The following RAP1B variants were observed in gnomAD, a reference collection of about 807,000 sequenced individuals.
The protein encoded by RAP1B is ras-related protein Rap-1b.
Under a neutral mutation model 27.5 loss-of-function variants are expected in RAP1B, and 1 was observed. The ratio of observed to expected loss-of-function variants is 0.04; its 90% CI spans 0.01 to 0.17. RAP1B has a LOEUF of 0.17. Ranked by LOEUF, RAP1B falls within the 10% of genes least tolerant of loss-of-function variation. RAP1B has a pLI of 1.00. For synonymous variants in RAP1B, 75 were observed against 73.1 expected (o/e 1.03, Z -0.13); for missense variants, 84 against 214.8 (o/e 0.39, Z 3.81).
At chr12:68,645,902 T>G (rs1873368896) in intron 1 of RAP1B, among the ~76,000 whole-genome samples, 1 of 152,238 alleles carries the variant, frequency 6.6e-6, no homozygotes. Flanking sequence ...GGAAATCAGC[T>G]GGTGTGAATG....
At chr12:68,647,244 G>C (rs1170161687) in intron 1 of RAP1B, among the ~76,000 whole-genome samples, 2 of 151,914 alleles carry the variant, frequency 1.3e-5, no homozygotes, top group Non-Finnish European at 2.9e-5. Flanking sequence ...TGTAGAAACA[G>C]GGTTTTGAAG....
At chr12:68,639,065 A>G (rs563176844) in intron 1 of RAP1B, among the ~76,000 whole-genome samples, 1 of 152,242 alleles carries the variant, frequency 6.6e-6, no homozygotes, top group Non-Finnish European at 1.5e-5. Flanking sequence ...TTAGGGATCT[A>G]GTCGAGAAGT....
intron 1 of RAP1B, among the ~76,000 whole-genome samples, chr12:68,635,611 T>C (rs947430206): frequency 6.8e-6 from 1 of 148,022 alleles, no homozygotes; most frequent in Non-Finnish European, 1.5e-5. Context: ...GCCCGCCACC[T>C]CACCCAGCCA....
intron 1 of RAP1B, among the ~76,000 whole-genome samples, chr12:68,627,588 C>CT (rs972350610): frequency 6.6e-6 from 1 of 152,168 alleles, no homozygotes; most frequent in African/African-American, 2.4e-5. Flanking sequence ...GTTTTACCCA[C>CT]TTTTCGAAAT....
At chr12:68,613,723 C>T (rs1027183619) in intron 1 of RAP1B, among the ~76,000 whole-genome samples, 1 of 152,128 alleles carries the variant, frequency 6.6e-6, no homozygotes, top group African/African-American at 2.4e-5. Flanking sequence ...CAGTGTAGCG[C>T]GTTGCCTGGG....
intron 5 of RAP1B, 52 bp from the exon 6 acceptor site, chr12:68,656,254 T>A (rs1874196254): frequency 6.8e-7 from 1 of 1,469,592 alleles, no homozygotes; most frequent in Admixed American, 2.0e-5. Flanking sequence ...TTGATTTGAA[T>A]TCATATAGCA....
In RAP1B at chr12:68,656,428, A is replaced by G; in HGVS notation, c.447A>G (p.Lys149=). The change falls in exon 6 of 8, where the codon AAA becomes AAG. Residue 149 remains lysine (K), a synonymous_variant. Transcript: ENST00000250559. ...GTGCATTCTTAGAATCTTCTGCAAA[A>G]TCAAAAATAAATGTTAATGAGGTAT... ...NNCAFLESSA[K]SKINVNEIFY... 3 of 1,610,958 alleles carry G rather than the reference A, an allele frequency of 1.9e-6. No individual in the cohort carries two copies. The highest frequency in any genetic ancestry group is 1.7e-6 in the Non-Finnish European group (2 of 1,177,226).
rs907697751 is a variant in RAP1B at position 68,662,184 on chromosome 12, G to C, written c.*2935G>C. 10 of 151,290 alleles carry C rather than the reference G, an allele frequency of 6.6e-5. No individual in the cohort carries two copies. The highest frequency in any genetic ancestry group is 1.5e-5 in the Non-Finnish European group (1 of 67,866). The allele number at this position is 151,290 out of a possible 1,614,324, so 9.4% of individuals were successfully genotyped here. On this transcript the variant is annotated 3_prime_UTR_variant, in exon 8 of 8. Coordinates refer to ENST00000250559, the MANE Select transcript of RAP1B (RefSeq NM_001010942.3). ...GCACCATTTTCTCCTATACAAAATA[G>C]TAACTGCAGTTTGGGAGCACAACTC...
chr12:68,620,212 T>A (rs1247350471), intron 1 of RAP1B, among the ~76,000 whole-genome samples: 2 of 151,360 alleles, frequency 1.3e-5, no homozygotes, highest in African/African-American at 4.8e-5. Flanking sequence ...TATTTTTTTT[T>A]ATTTTTATTT....
chr12:68,654,233 G>A lies in RAP1B; in HGVS notation c.305G>A (p.Arg102Gln). 6.3e-7 allele frequency: 1 copy of A among 1,593,016 alleles called. No homozygotes were observed. Among genetic ancestry groups the A allele is most frequent in the Non-Finnish European group, 8.6e-7 (1 of 1,166,078 alleles). Reference protein sequence around the residue: ...DLQDLREQILRVKDTDDVPMI... With the variant: ...DLQDLREQILQVKDTDDVPMI... ...CAAGACCTGAGAGAACAGATTCTTC[G>A]AGTTAAAGACACTGATGATGTAAGC... Residue 102 changes from arginine (R) to glutamine (Q), a missense_variant, in exon 5 of 8, where the codon CGA becomes CAA. Transcript: ENST00000250559.
chr12:68,656,207 T>G, intron 5 of RAP1B, 99 bp from the exon 6 acceptor site: 1 of 1,084,886 alleles, frequency 9.2e-7, no homozygotes, highest in Non-Finnish European at 1.3e-6. Flanking sequence ...TTGTGGCATA[T>G]GAAAAGTAAT....
chr12:68,615,161 T>C (rs1364857102), intron 1 of RAP1B, among the ~76,000 whole-genome samples: 2 of 152,206 alleles, frequency 1.3e-5, no homozygotes, highest in African/African-American at 4.8e-5. Flanking sequence ...TTCCTAATGT[T>C]GGTCAAATCA....
At position 68,659,334 on chromosome 12, in the gene RAP1B, C is replaced by G. The variant is rs1429582448; in HGVS notation, c.*85C>G. Reference sequence around the variant, plus strand: ...TGCCAGCATTCCAACTTTGTTAAACCTACCAACATCTTAAATGGACTTTCC... The same window carrying G: ...TGCCAGCATTCCAACTTTGTTAAACGTACCAACATCTTAAATGGACTTTCC... On this transcript the variant is annotated 3_prime_UTR_variant, in exon 8 of 8. Transcript: ENST00000250559. 2.2e-6 allele frequency: 1 copy of G among 454,958 alleles called. No individual in the cohort carries two copies. Among genetic ancestry groups the G allele is most frequent in the African/African-American group, 2.0e-5 (1 of 49,824 alleles). The allele number at this position is 454,958 out of a possible 1,614,324, so 28.2% of individuals were successfully genotyped here.
At position 68,626,025 on chromosome 12, in the gene RAP1B, T is replaced by G. The variant is rs377399861; in HGVS notation, c.-27+14982T>G. Among the ~76,000 whole-genome samples, 8 of 152,258 alleles carry G rather than the reference T, an allele frequency of 5.3e-5. No homozygotes were observed. The East Asian group carries it at 7.7e-4, about 15-fold the overall frequency. On this transcript the variant is annotated intron_variant, in intron 1 of 7. Coordinates refer to ENST00000250559, the MANE Select transcript of RAP1B (RefSeq NM_001010942.3). ...AGCAAAATGAAATAAAATATTTTTC[T>G]GAGCCATTTGTTTCTCCTCTCATGG...
At chr12:68,622,428 T>A (rs1871449014) in intron 1 of RAP1B, among the ~76,000 whole-genome samples, 1 of 152,226 alleles carries the variant, frequency 6.6e-6, no homozygotes. Context: ...GCCTAGAAGG[T>A]ACTGCATAAT....
At chr12:68,656,065 TGGA>T (rs929081081) in intron 5 of RAP1B, among the ~76,000 whole-genome samples, 11 of 152,328 alleles carry the variant, frequency 7.2e-5, no homozygotes, top group African/African-American at 2.6e-4. Flanking sequence ...TTCTTCCCTT[TGGA>T]GTTATCGTTT....
chr12:68,632,129 GTTTT>G (rs796286462), intron 1 of RAP1B, among the ~76,000 whole-genome samples: 17 of 104,402 alleles, frequency 1.6e-4, no homozygotes, highest in Non-Finnish European at 2.4e-4. Flanking sequence ...TTTTGGATTT[GTTTT>G]TTTTTTTTTT....
chr12:68,666,801 A>G lies in RAP1B; in HGVS notation c.*7552A>G, dbSNP rs1874874352. The G allele has an allele frequency of 6.6e-6, 1 of 152,202 alleles. No homozygotes were observed. The highest frequency in any genetic ancestry group is 6.5e-5 in the Admixed American group (1 of 15,276). The allele number at this position is 152,202 out of a possible 1,614,324, so 9.4% of individuals were successfully genotyped here. Reference sequence around the variant, plus strand: ...GTATGGGTCTGCTCCAAGATAACTCAAAACATTCTGAACTGAATCAGCAGA... The same window carrying G: ...GTATGGGTCTGCTCCAAGATAACTCGAAACATTCTGAACTGAATCAGCAGA... On this transcript the variant is annotated 3_prime_UTR_variant, in exon 8 of 8. Coordinates refer to ENST00000250559, the MANE Select transcript of RAP1B (RefSeq NM_001010942.3).
intron 1 of RAP1B, among the ~76,000 whole-genome samples, chr12:68,629,875 GGTT>G (rs957455539): frequency 1.3e-5 from 2 of 152,064 alleles, no homozygotes; most frequent in African/African-American, 4.8e-5. Flanking sequence ...GTTTTGAGGG[GGTT>G]GTTTGGCATA....
Sources: allele counts gnomAD v4.1 joint callset (sites outside exome capture counted in the v4.1 genomes callset), GRCh38; gene constraint gnomAD v4.1.1; transcripts MANE v1.5; gene names NCBI Gene and HGNC (gene_info 2026-07-23, HGNC 2026-07-21).